Variants in RAB27A observed in about 807,000 individuals in gnomAD.
RAB27A encodes RAB27A, member RAS oncogene family.
In RAB27A, 17 loss-of-function variants were observed where a neutral mutation model predicts 20.8. The observed-to-expected ratio is 0.82, with a 90% CI of 0.56 to 1.23. RAB27A has a LOEUF of 1.23. Among genes scored for constraint, RAB27A ranks in the 50% most tolerant of loss-of-function variants. The probability of loss-of-function intolerance (pLI) is 0.00; values close to 1 mark genes in which losing one functional copy is unlikely to be tolerated. For synonymous variants in RAB27A, 85 were observed against 92.8 expected (o/e 0.92, Z 0.48); for missense variants, 277 against 266.7 (o/e 1.04, Z -0.27).
chr15:55,254,297 A>C (rs991435856), intron 2 of RAB27A, among the ~76,000 whole-genome samples: 72 of 152,304 alleles, frequency 4.7e-4, no homozygotes, highest in Middle Eastern at 3.4e-3. Flanking sequence ...ATCACATAAA[A>C]AATATAATTG....
chr15:55,209,067 C>T (rs935798620), intron 6 of RAB27A, among the ~76,000 whole-genome samples: 6 of 152,146 alleles, frequency 3.9e-5, no homozygotes, highest in African/African-American at 1.4e-4. Context: ...ATTTAATACA[C>T]TGATATAATG....
At chr15:55,236,384 A>C (rs1896259410) in intron 2 of RAB27A, among the ~76,000 whole-genome samples, 1 of 152,084 alleles carries the variant, frequency 6.6e-6, no homozygotes, top group Non-Finnish European at 1.5e-5. Context: ...CTAGAGTATC[A>C]CTGCTCACTT....
At chr15:55,267,993 C>T (rs1176344289) in intron 2 of RAB27A, among the ~76,000 whole-genome samples, 1 of 152,136 alleles carries the variant, frequency 6.6e-6, no homozygotes, top group African/African-American at 2.4e-5. Flanking sequence ...AGGGTCATAC[C>T]TCTGTGACTT....
At chr15:55,276,729 T>TACAGACACTATATATACACTATA (rs1371823839) in intron 1 of RAB27A, among the ~76,000 whole-genome samples, 16 of 152,284 alleles carry the variant, frequency 1.1e-4, no homozygotes, top group Admixed American at 7.2e-4. Context: ...TGAAAAGCTA[T>TACAGACACTATATATACACTATA]TATACAGTAT....
intron 2 of RAB27A, among the ~76,000 whole-genome samples, chr15:55,268,634 T>C (rs1043785758): frequency 6.6e-6 from 1 of 152,264 alleles, no homozygotes; most frequent in Non-Finnish European, 1.5e-5. Context: ...TAGATCCCTA[T>C]ATTTGATTAA....
upstream of RAB27A, among the ~76,000 whole-genome samples, chr15:55,292,419 T>C (rs2054926889): frequency 6.6e-6 from 1 of 152,222 alleles, no homozygotes; most frequent in Non-Finnish European, 1.5e-5. Flanking sequence ...AGAATGGGTC[T>C]GAGAGGTCAA....
chr15:55,268,733 T>C (rs1255768200), intron 2 of RAB27A, among the ~76,000 whole-genome samples: 1 of 152,200 alleles, frequency 6.6e-6, no homozygotes, highest in East Asian at 1.9e-4. Context: ...TAACAAATGT[T>C]TACTGCATGC....
At chr15:55,241,632 A>G (rs868505610) in intron 2 of RAB27A, among the ~76,000 whole-genome samples, 26 of 116,972 alleles carry the variant, frequency 2.2e-4, no homozygotes, top group African/African-American at 3.3e-4. Flanking sequence ...ATATGTGTGT[A>G]TATATATTTG....
At chr15:55,248,598 T>TATAGTA (rs761790458) in intron 2 of RAB27A, among the ~76,000 whole-genome samples, 20 of 152,294 alleles carry the variant, frequency 1.3e-4, no homozygotes, top group Non-Finnish European at 1.2e-4. Flanking sequence ...CCAGTTTTGG[T>TATAGTA]TTCACCATAA....
chr15:55,287,101 G>T (rs1898177076), intron 1 of RAB27A, among the ~76,000 whole-genome samples: 1 of 151,756 alleles, frequency 6.6e-6, no homozygotes, highest in Non-Finnish European at 1.5e-5. Context: ...TGTATTTTTA[G>T]TAGATACAGG....
chr15:55,272,100 C>T (rs922914209), intron 1 of RAB27A, among the ~76,000 whole-genome samples: 2 of 152,170 alleles, frequency 1.3e-5, no homozygotes, highest in Non-Finnish European at 2.9e-5. Flanking sequence ...ATTACAAGTT[C>T]ATATTAGCAC....
chr15:55,297,995 G>C (rs1392854796), intron 2 of RAB27A, among the ~76,000 whole-genome samples: 1 of 152,022 alleles, frequency 6.6e-6, no homozygotes, highest in East Asian at 1.9e-4. Flanking sequence ...GAGGTCAGGA[G>C]ATCGAGACCG....
At chr15:55,262,636 T>C (rs543599539) in intron 2 of RAB27A, among the ~76,000 whole-genome samples, 1 of 106,088 alleles carries the variant, frequency 9.4e-6, no homozygotes, top group South Asian at 2.8e-4. Context: ...TTTTTCTTTT[T>C]TTTTGTTTTT....
At chr15:55,283,553 G>A (rs1468628852) in intron 1 of RAB27A, among the ~76,000 whole-genome samples, 1 of 152,112 alleles carries the variant, frequency 6.6e-6, no homozygotes, top group East Asian at 1.9e-4. Flanking sequence ...AGCCACATTA[G>A]GTCTCCAGTA....
At chr15:55,262,761 T>C (rs1897322174) in intron 2 of RAB27A, among the ~76,000 whole-genome samples, 1 of 151,730 alleles carries the variant, frequency 6.6e-6, no homozygotes, top group African/African-American at 2.4e-5. Context: ...GCCTCCCTTG[T>C]CCAGGCTGGT....
At chr15:55,206,932 C>T (rs562331958) in intron 6 of RAB27A, among the ~76,000 whole-genome samples, 22 of 152,126 alleles carry the variant, frequency 1.4e-4, no homozygotes, top group African/African-American at 4.6e-4. Flanking sequence ...AACTTGCAAA[C>T]GGGTTAGCAT....
At chr15:55,259,230 G>A (rs1897189738) in intron 2 of RAB27A, among the ~76,000 whole-genome samples, 1 of 151,414 alleles carries the variant, frequency 6.6e-6, no homozygotes, top group African/African-American at 2.4e-5. Context: ...CTTTTTTAGT[G>A]GCTCTTAATC....
intron 1 of RAB27A, among the ~76,000 whole-genome samples, chr15:55,283,027 T>C (rs924851664): frequency 1.3e-5 from 2 of 152,136 alleles, no homozygotes; most frequent in African/African-American, 4.8e-5. Context: ...GCTTAGTTAG[T>C]TTTACATGAT....
intron 1 of RAB27A, among the ~76,000 whole-genome samples, chr15:55,316,832 C>T (rs1469193432): frequency 2.0e-5 from 3 of 152,132 alleles, no homozygotes; most frequent in Non-Finnish European, 4.4e-5. Context: ...TGAGCCATCC[C>T]AACTCTCAAC....
Sources: gnomAD v4.1 joint callset for allele counts (sites outside exome capture counted in the v4.1 genomes callset) on GRCh38, gnomAD v4.1.1 for gene constraint, MANE v1.5 for transcripts, NCBI Gene and HGNC (gene_info 2026-07-23, HGNC 2026-07-21) for gene names.